Variants in SPAG9 observed in about 807,000 individuals in gnomAD.
The protein encoded by SPAG9 is C-Jun-amino-terminal kinase-interacting protein 4.
Under a neutral mutation model 166.5 loss-of-function variants are expected in SPAG9, and 35 were observed. That is an observed-to-expected ratio of 0.21 (90% CI 0.16 to 0.28). The LOEUF is 0.28. Ranked by LOEUF, SPAG9 falls within the 10% of genes least tolerant of loss-of-function variation. The pLI is 1.00. For synonymous variants in SPAG9, 534 were observed against 565.5 expected (o/e 0.94, Z 0.79); for missense variants, 1,235 against 1,603.3 (o/e 0.77, Z 3.92).
intron 4 of SPAG9, among the ~76,000 whole-genome samples, chr17:51,042,002 T>C (rs151041388): frequency 6.6e-6 from 1 of 152,178 alleles, no homozygotes; most frequent in Non-Finnish European, 1.5e-5. Flanking sequence ...CCTAGGGAAC[T>C]TGCAACCTCC....
rs201257596 is a variant in SPAG9, at chr17:50,989,939, C to A, written c.2618-67G>T. 8.7e-5 allele frequency: 116 copies of A among 1,340,132 alleles called. No individual in the cohort carries two copies. In the East Asian group the frequency reaches 1.1e-3, roughly 12 times the overall value. The allele number at this position is 1,340,132 out of a possible 1,614,324, so 83.0% of individuals were successfully genotyped here. A position where few individuals can be genotyped will look rare whatever the true frequency, so the allele number is the denominator to read the frequency against. On this transcript the variant is annotated intron_variant, in intron 20 of 29. Transcript: ENST00000262013. ...TCCTCCAATTATTTCCCCACACAAA[C>A]CCCTGTTATAGAATTCCATTCCATC...
At chr17:51,007,796 G>A in intron 9 of SPAG9, 1 of 446,768 alleles carries the variant, frequency 2.2e-6, no homozygotes, top group Non-Finnish European at 4.5e-6. Flanking sequence ...GCAAAAACAA[G>A]GCTAAAGAAA....
chr17:51,006,025 T>C, intron 11 of SPAG9, 60 bp downstream of exon 11: 1 of 1,576,390 alleles, frequency 6.3e-7, no homozygotes, highest in Non-Finnish European at 8.7e-7. Context: ...GTTACATCTG[T>C]AACCCTTTGT....
chr17:50,980,132 T>C (rs1299132428), intron 25 of SPAG9, among the ~76,000 whole-genome samples: 1 of 152,198 alleles, frequency 6.6e-6, no homozygotes, highest in African/African-American at 2.4e-5. Flanking sequence ...CTATATAGGA[T>C]ATCACCTTAT....
intron 1 of SPAG9, chr17:51,084,218 GT>G (rs2048245854): frequency 6.6e-6 from 1 of 151,954 alleles, no homozygotes; most frequent in South Asian, 2.1e-4. Flanking sequence ...GTAAGGTTAC[GT>G]TAAATAGAAA....
intron 2 of SPAG9, among the ~76,000 whole-genome samples, chr17:51,064,209 T>C (rs554135029): frequency 6.6e-6 from 1 of 152,322 alleles, no homozygotes; most frequent in Non-Finnish European, 1.5e-5. Flanking sequence ...TAGCTAATTA[T>C]ACAAATAAAA....
Position 51,066,657 on chromosome 17 carries a change from C to T in SPAG9, c.425-10175G>A, listed in dbSNP as rs1395724305. 4.6e-5 allele frequency among the ~76,000 whole-genome samples: 7 copies of T among 151,156 alleles called. No homozygotes were observed. In the East Asian group the frequency reaches 1.4e-3, roughly 29 times the overall value. On this transcript the variant is annotated intron_variant, in intron 2 of 29. Transcript: ENST00000262013. ...AGATCACGAGGTCAGGAGATCGAGA[C>T]CATCCTGGTCAACATGGTGAAACCC...
At chr17:51,089,644 A>ATATTT (rs1555658057) in intron 1 of SPAG9, among the ~76,000 whole-genome samples, 1 of 88,650 alleles carries the variant, frequency 1.1e-5, no homozygotes, top group Non-Finnish European at 2.1e-5. Flanking sequence ...ATATATATAT[A>ATATTT]TATATATATA....
Position 51,079,576 on chromosome 17 carries a change from T to G in SPAG9, c.424+8A>C, listed in dbSNP as rs748927065. 1.6e-5 allele frequency: 26 copies of G among 1,611,278 alleles called. No homozygotes were observed. Among genetic ancestry groups the G allele is most frequent in the Middle Eastern group, 1.6e-4 (1 of 6,074 alleles). Reference sequence around the variant, plus strand: ...TAGTGTACTTATGAGAAGAAATGTTTTACTTACTCTGGTCAGCATAGTTTT... The same window carrying G: ...TAGTGTACTTATGAGAAGAAATGTTGTACTTACTCTGGTCAGCATAGTTTT... On this transcript the variant is annotated splice_region_variant and intron_variant, in intron 2 of 29. Coordinates refer to ENST00000262013, the MANE Select transcript of SPAG9 (RefSeq NM_001130528.3).
At chr17:51,021,398 A>T in intron 6 of SPAG9, 33 bp from the exon 7 acceptor site, 7 of 1,517,276 alleles carry the variant, frequency 4.6e-6, no homozygotes, top group Non-Finnish European at 6.3e-6. Context: ...ATAAAATTTT[A>T]AATGACGAAT....
At chr17:51,049,653 T>A (rs908447139) in intron 3 of SPAG9, among the ~76,000 whole-genome samples, 1 of 152,206 alleles carries the variant, frequency 6.6e-6, no homozygotes, top group Non-Finnish European at 1.5e-5. Context: ...TCGCCCAGGC[T>A]GGAGTACAGT....
Position 51,001,732 on chromosome 17 carries a change from T to C in SPAG9, c.1590A>G (p.Arg530=), listed in dbSNP as rs776578350. The change falls in exon 13 of 30, where the codon CGA becomes CGG. Residue 530 remains arginine, a synonymous_variant. Transcript: ENST00000262013. ...ERLMELQEAV[R]WTEMIRASRE... ...ATACAAACCGAATCATCTCTGTCCA[T>C]CGAACAGCTTCCTGAAGCTCCATCA... 5.3e-5 allele frequency: 86 copies of C among 1,610,074 alleles called. No homozygotes were observed. The South Asian group carries it at 7.8e-4, about 15-fold the overall frequency.
chr17:51,071,730 A>G (rs974193439), intron 2 of SPAG9, among the ~76,000 whole-genome samples: 7 of 152,230 alleles, frequency 4.6e-5, no homozygotes, highest in African/African-American at 1.7e-4. Context: ...CTTCTCAAAT[A>G]GCAAATAACT....
At chr17:51,004,579 A>G (rs1483793078) in intron 12 of SPAG9, among the ~76,000 whole-genome samples, 2 of 152,166 alleles carry the variant, frequency 1.3e-5, no homozygotes, top group Non-Finnish European at 2.9e-5. Context: ...CTTTACTAAG[A>G]ATACAAAAAA....
intron 19 of SPAG9, among the ~76,000 whole-genome samples, 153 bp downstream of exon 19, chr17:50,993,611 T>C (rs956874929): frequency 1.3e-5 from 2 of 152,248 alleles, no homozygotes; most frequent in African/African-American, 4.8e-5. Flanking sequence ...ATCTTCTTTA[T>C]TCAATGGTTT....
At chr17:51,009,620 T>C (rs1245046719) in intron 9 of SPAG9, among the ~76,000 whole-genome samples, 2 of 152,226 alleles carry the variant, frequency 1.3e-5, no homozygotes. Context: ...ATTGTACTTC[T>C]ATTGTTGGTC....
chr17:51,016,838 T>A (rs1376042861), intron 8 of SPAG9, among the ~76,000 whole-genome samples: 2 of 151,752 alleles, frequency 1.3e-5, no homozygotes, highest in African/African-American at 2.4e-5. Context: ...GAGGCAGAGG[T>A]TGCAGTGAGC....
chr17:51,006,005 C>G, intron 11 of SPAG9, 80 bp downstream of exon 11: 7 of 1,488,318 alleles, frequency 4.7e-6, no homozygotes, highest in Non-Finnish European at 6.4e-6. Flanking sequence ...CAGAAGGTCT[C>G]AGTCTCAGGG....
intron 5 of SPAG9, among the ~76,000 whole-genome samples, chr17:51,035,055 A>T (rs2046532743): frequency 6.6e-6 from 1 of 152,228 alleles, no homozygotes; most frequent in Non-Finnish European, 1.5e-5. Flanking sequence ...CATGCCTATA[A>T]TCCCTGCACT....
Sources: gnomAD v4.1 joint callset for allele counts (sites outside exome capture counted in the v4.1 genomes callset) on GRCh38, gnomAD v4.1.1 for gene constraint, MANE v1.5 for transcripts, NCBI Gene and HGNC (gene_info 2026-07-23, HGNC 2026-07-21) for gene names.